Variants in FBXW7 observed in about 807,000 individuals in gnomAD.
FBXW7 encodes the protein F-box and WD repeat domain containing 7, also known as F-box/WD repeat-containing protein 7.
Under a neutral mutation model 86.3 loss-of-function variants are expected in FBXW7, and 11 were observed. The observed-to-expected ratio is 0.13, with a 90% CI of 0.08 to 0.21. FBXW7 has a LOEUF of 0.21. FBXW7 is among the 10% of genes least tolerant of loss of function. The probability of loss-of-function intolerance (pLI) is 1.00; values close to 1 mark genes in which losing one functional copy is unlikely to be tolerated. For missense variants in FBXW7, 488 were observed against 847.4 expected, an observed-to-expected ratio of 0.58 and a Z score of 5.27; for synonymous variants, 313 against 297.9, an observed-to-expected ratio of 1.05 and a Z score of -0.52.
intron 2 of FBXW7, among the ~76,000 whole-genome samples, chr4:152,419,536 C>CACAT (rs1209426451): frequency 6.6e-6 from 1 of 150,828 alleles, no homozygotes; most frequent in Admixed American, 6.6e-5. Flanking sequence ...CACACACACA[C>CACAT]AGAGTGGCAA....
chr4:152,356,712 A>G (rs1399267269), intron 4 of FBXW7, among the ~76,000 whole-genome samples: 3 of 152,196 alleles, frequency 2.0e-5, no homozygotes, highest in Admixed American at 6.6e-5. Context: ...CTGGGATGTG[A>G]GTGCTTATTA....
At chr4:152,363,452 G>A (rs1733173321) in intron 4 of FBXW7, among the ~76,000 whole-genome samples, 1 of 152,146 alleles carries the variant, frequency 6.6e-6, no homozygotes, top group African/African-American at 2.4e-5. Flanking sequence ...ACTAATAAGT[G>A]AAACTGCTTA....
intron 5 of FBXW7, among the ~76,000 whole-genome samples, chr4:152,349,530 A>G (rs535606028): frequency 7.9e-5 from 12 of 152,066 alleles, no homozygotes; most frequent in African/African-American, 2.9e-4. Flanking sequence ...ATTGTTATGG[A>G]AACTATTCTA....
At chr4:152,431,745 G>A (rs551294025) in intron 2 of FBXW7, among the ~76,000 whole-genome samples, 9 of 152,158 alleles carry the variant, frequency 5.9e-5, no homozygotes, top group East Asian at 1.9e-4. Context: ...GTAATAACAA[G>A]AGGACATTTT....
intron 2 of FBXW7, among the ~76,000 whole-genome samples, chr4:152,514,936 G>A (rs1748333102): frequency 2.0e-5 from 3 of 152,144 alleles, no homozygotes; most frequent in Admixed American, 2.0e-4. Flanking sequence ...GATTATTTAG[G>A]AGCTGAGAAT....
chr4:152,466,057 C>T (rs1743397236), intron 2 of FBXW7, among the ~76,000 whole-genome samples: 1 of 152,114 alleles, frequency 6.6e-6, no homozygotes, highest in Admixed American at 6.5e-5. Context: ...CTAATAAAAA[C>T]ACATCTAGCG....
chr4:152,437,008 A>T (rs958366572), intron 2 of FBXW7, among the ~76,000 whole-genome samples: 6 of 152,222 alleles, frequency 3.9e-5, no homozygotes, highest in Non-Finnish European at 8.8e-5. Flanking sequence ...CCATTAATCA[A>T]GGGTCATTTC....
At chr4:152,429,469 T>C (rs546060687) in intron 2 of FBXW7, among the ~76,000 whole-genome samples, 1 of 152,198 alleles carries the variant, frequency 6.6e-6, no homozygotes, top group East Asian at 1.9e-4. Context: ...GAGAGAGTTG[T>C]AGTTATCTCA....
chr4:152,527,684 G>A (rs150326087), intron 2 of FBXW7, among the ~76,000 whole-genome samples: 7 of 152,100 alleles, frequency 4.6e-5, no homozygotes, highest in Middle Eastern at 6.8e-3. Context: ...GGAGGCTAAG[G>A]TGGGAAGATC....
chr4:152,511,292 G>GCC (rs371477693), intron 2 of FBXW7, among the ~76,000 whole-genome samples: 11 of 88,668 alleles, frequency 1.2e-4, no homozygotes, highest in South Asian at 1.0e-3. Flanking sequence ...ACAGCCCCCC[G>GCC]CCCCCCCCAC....
At chr4:152,339,656 C>T (rs566482805) in intron 6 of FBXW7, among the ~76,000 whole-genome samples, 28 of 152,170 alleles carry the variant, frequency 1.8e-4, no homozygotes, top group Middle Eastern at 3.4e-3. Context: ...TAAAATGTAG[C>T]TTAGGCCAGG....
At chr4:152,435,138 C>G (rs939694974) in intron 2 of FBXW7, among the ~76,000 whole-genome samples, 7 of 151,122 alleles carry the variant, frequency 4.6e-5, no homozygotes, top group African/African-American at 1.5e-4. Flanking sequence ...CTACCAAACA[C>G]GTAAGTATGC....
At chr4:152,480,598 C>T (rs886306999) in intron 2 of FBXW7, among the ~76,000 whole-genome samples, 1 of 152,062 alleles carries the variant, frequency 6.6e-6, no homozygotes, top group Non-Finnish European at 1.5e-5. Flanking sequence ...ATTCTTGTGC[C>T]AGTTAACCAA....
Position 152,330,717 on chromosome 4 carries a change from G to A in FBXW7, c.1122+15C>T, listed in dbSNP as rs2126533619. On this transcript the variant is annotated intron_variant, in intron 9 of 13. Transcript: ENST00000281708. ...TGATTAACGGTTTCTGTTACATTGTGCAGAGTTCAGTTACCTTAGGAGATT... is the reference window on the plus strand; with the variant it reads ...TGATTAACGGTTTCTGTTACATTGTACAGAGTTCAGTTACCTTAGGAGATT... 1 of 1,609,638 alleles carries A rather than the reference G, an allele frequency of 6.2e-7. No individual in the cohort carries two copies. Among genetic ancestry groups the A allele is most frequent in the Non-Finnish European group, 8.5e-7 (1 of 1,177,578 alleles).
chr4:152,349,912 T>C (rs1296918818), intron 5 of FBXW7, 130 bp downstream of exon 5: 1 of 426,784 alleles, frequency 2.3e-6, no homozygotes, highest in Non-Finnish European at 4.2e-6. Flanking sequence ...CAATTTCCGG[T>C]AATCTCAAAA....
At chr4:152,470,882 C>T (rs1488700318) in intron 2 of FBXW7, among the ~76,000 whole-genome samples, 1 of 151,974 alleles carries the variant, frequency 6.6e-6, no homozygotes, top group Non-Finnish European at 1.5e-5. Context: ...TTTAAACTAC[C>T]AGTATGACTC....
In FBXW7 at chr4:152,492,401, G is replaced by C. The variant is rs1002109989; in HGVS notation, c.-120+42540C>G. Among the ~76,000 whole-genome samples the C allele has an allele frequency of 1.1e-4, 16 of 152,112 alleles. 1 individual carries two copies. Among genetic ancestry groups the C allele is most frequent in the Admixed American group, 9.8e-4 (15 of 15,274 alleles). On this transcript the variant is annotated intron_variant, in intron 2 of 13. Coordinates refer to ENST00000281708, the MANE Select transcript of FBXW7 (RefSeq NM_001349798.2). The stretch of plus-strand genomic sequence containing the variant: ...TTCATTCCTTTTCCGAAAACACCTA[G>C]AAGTAGAATTGCTGGATCCAAAGGT...
chr4:152,496,568 C>T (rs1177456699), intron 2 of FBXW7, among the ~76,000 whole-genome samples: 2 of 151,880 alleles, frequency 1.3e-5, no homozygotes, highest in East Asian at 1.9e-4. Flanking sequence ...ATCCCAGCTA[C>T]TGGGGAGGCT....
At chr4:152,339,538 TG>T (rs1219587208) in intron 6 of FBXW7, among the ~76,000 whole-genome samples, 1 of 152,058 alleles carries the variant, frequency 6.6e-6, no homozygotes, top group Non-Finnish European at 1.5e-5. Context: ...GGATTTGAGG[TG>T]GGTTTTGATA....
Sources: gnomAD v4.1 joint callset for allele counts (sites outside exome capture counted in the v4.1 genomes callset) on GRCh38, gnomAD v4.1.1 for gene constraint, MANE v1.5 for transcripts, NCBI Gene and HGNC (gene_info 2026-07-23, HGNC 2026-07-21) for gene names.